VPS37A: variants seen among roughly 807,000 people sequenced by gnomAD.
VPS37A encodes VPS37A subunit of ESCRT-I.
In VPS37A, 30 loss-of-function variants were observed where a neutral mutation model predicts 49.8. The observed-to-expected ratio is 0.60, with a 90% CI of 0.45 to 0.82. VPS37A has a LOEUF of 0.82. Among genes scored for constraint, VPS37A ranks in the 40% least tolerant of loss-of-function variants. VPS37A has a pLI of 0.00. For missense variants in VPS37A, 593 were observed against 464.4 expected (o/e 1.28, Z -2.55); for synonymous variants, 195 against 160.6 (o/e 1.21, Z -1.62).
At chr8:17,255,352 G>T (rs935624905) in intron 1 of VPS37A, among the ~76,000 whole-genome samples, 7 of 152,056 alleles carry the variant, frequency 4.6e-5, no homozygotes, top group Non-Finnish European at 1.0e-4. Context: ...ATGGTAGCAG[G>T]CGCCTGTAAT....
At chr8:17,275,015 C>T (rs551683766) in intron 5 of VPS37A, 57 bp downstream of exon 5, 1 of 1,483,708 alleles carries the variant, frequency 6.7e-7, no homozygotes, top group East Asian at 2.3e-5. Context: ...TCAATCCACA[C>T]ACCTTTATTA....
chr8:17,311,523 C>T, the VPS37A span: 1 of 1,614,032 alleles, frequency 6.2e-7, no homozygotes, highest in Non-Finnish European at 8.5e-7. Context: ...TGAAGCCCTT[C>T]AGAGTCCGGT....
chr8:17,300,251 G>GA (rs1180199414), downstream of VPS37A: 1 of 1,578,732 alleles, frequency 6.3e-7, no homozygotes, highest in Non-Finnish European at 8.6e-7. Context: ...AATTTCAGGG[G>GA]AAAAATCATA....
the VPS37A span, among the ~76,000 whole-genome samples, chr8:17,319,217 C>A: frequency 5.0e-4 from 76 of 152,308 alleles, no homozygotes; most frequent in African/African-American, 1.7e-3. Flanking sequence ...GTAACCTGGG[C>A]TAGTTACTGA....
chr8:17,284,769 C>G (rs1815430055), intron 10 of VPS37A, among the ~76,000 whole-genome samples, 153 bp downstream of exon 10: 2 of 152,052 alleles, frequency 1.3e-5, no homozygotes, highest in Non-Finnish European at 2.9e-5. Flanking sequence ...GTTTCTATTC[C>G]TTGGGTGTGG....
the VPS37A span, among the ~76,000 whole-genome samples, chr8:17,320,241 C>G: frequency 1.3e-5 from 2 of 152,224 alleles, no homozygotes; most frequent in East Asian, 3.9e-4. Context: ...CATTTTACTT[C>G]TATGCACAGT....
chr8:17,320,510 C>T, the VPS37A span, among the ~76,000 whole-genome samples: 10 of 151,920 alleles, frequency 6.6e-5, no homozygotes, highest in Admixed American at 4.6e-4. Context: ...GTCATGTAAT[C>T]GTAGTAAGGA....
chr8:17,294,353 G>A (rs1586094100), intron 11 of VPS37A, among the ~76,000 whole-genome samples: 1 of 152,192 alleles, frequency 6.6e-6, no homozygotes. Context: ...TGCTGGCGGT[G>A]AAAATTTCAA....
chr8:17,309,498 G>T, the VPS37A span, among the ~76,000 whole-genome samples: 2 of 152,190 alleles, frequency 1.3e-5, no homozygotes, highest in Admixed American at 1.3e-4. Context: ...CATGGCAAAG[G>T]CAAAGTTGAA....
At chr8:17,318,501 T>C in the VPS37A span, among the ~76,000 whole-genome samples, 3 of 152,124 alleles carry the variant, frequency 2.0e-5, no homozygotes, top group Admixed American at 1.3e-4. Flanking sequence ...AGCAGGAGGA[T>C]GGACGGCTCC....
intron 10 of VPS37A, among the ~76,000 whole-genome samples, chr8:17,285,791 G>T (rs1171528936): frequency 6.6e-6 from 1 of 152,162 alleles, no homozygotes; most frequent in Non-Finnish European, 1.5e-5. Context: ...AACAGTAGCA[G>T]AATTTACGTC....
At chr8:17,284,438 CAT>C in intron 9 of VPS37A, 33 bp from the exon 10 acceptor site, 1 of 1,543,008 alleles carries the variant, frequency 6.5e-7, no homozygotes, top group South Asian at 1.3e-5. Context: ...TTGTGAGTAT[CAT>C]AAATTAAAGT....
intron 9 of VPS37A, among the ~76,000 whole-genome samples, chr8:17,281,624 T>A (rs1287028235): frequency 6.6e-6 from 1 of 151,980 alleles, no homozygotes. Flanking sequence ...TAACGTTGTT[T>A]GGGAGGTTTT....
intron 11 of VPS37A, chr8:17,286,751 C>G (rs888688151): frequency 1.6e-5 from 3 of 191,314 alleles, no homozygotes; most frequent in Non-Finnish European, 3.2e-5. Context: ...TAACATTTCT[C>G]AGAAGGCTCC....
chr8:17,322,832 A>C, the VPS37A span, among the ~76,000 whole-genome samples: 1 of 152,124 alleles, frequency 6.6e-6, no homozygotes, highest in African/African-American at 2.4e-5. Flanking sequence ...CTCTTATTTT[A>C]AAAATATATG....
At chr8:17,323,652 G>T in the VPS37A span, among the ~76,000 whole-genome samples, 1 of 152,068 alleles carries the variant, frequency 6.6e-6, no homozygotes, top group East Asian at 1.9e-4. Context: ...CCGCAGGGGT[G>T]GGGGGTCATT....
intron 1 of VPS37A, among the ~76,000 whole-genome samples, chr8:17,251,362 T>C (rs1223130583): frequency 6.6e-6 from 1 of 152,190 alleles, no homozygotes; most frequent in East Asian, 1.9e-4. Context: ...ATCTGTAAAA[T>C]CAGCAATTGT....
chr8:17,312,443 C>T, the VPS37A span, among the ~76,000 whole-genome samples: 12 of 151,902 alleles, frequency 7.9e-5, no homozygotes, highest in Non-Finnish European at 8.8e-5. Flanking sequence ...GGCATAGTGG[C>T]GCGTGCCAGT....
chr8:17,288,275 GGTT>G (rs1295856937), intron 11 of VPS37A, among the ~76,000 whole-genome samples: 1 of 152,146 alleles, frequency 6.6e-6, no homozygotes, highest in Non-Finnish European at 1.5e-5. Flanking sequence ...AGAACGTACA[GGTT>G]TTTTACATAG....
Sources: allele counts gnomAD v4.1 joint callset (sites outside exome capture counted in the v4.1 genomes callset), GRCh38; gene constraint gnomAD v4.1.1; transcripts MANE v1.5; gene names NCBI Gene and HGNC (gene_info 2026-07-23, HGNC 2026-07-21).